The following CWF19L2 variants were observed in gnomAD, a reference collection of about 807,000 sequenced individuals.
The protein encoded by CWF19L2 is CWF19 like cell cycle control factor 2.
Under a neutral mutation model 111.7 loss-of-function variants are expected in CWF19L2, and 98 were observed. The ratio of observed to expected loss-of-function variants is 0.88; its 90% CI spans 0.75 to 1.04. The LOEUF is 1.04. Among genes scored for constraint, CWF19L2 ranks in the 50% least tolerant of loss-of-function variants. The probability of loss-of-function intolerance (pLI) is 0.00; values close to 1 mark genes in which losing one functional copy is unlikely to be tolerated. For missense variants in CWF19L2, 1,101 were observed against 1,051.4 expected (o/e 1.05, Z -0.65); for synonymous variants, 351 against 342.9 (o/e 1.02, Z -0.26).
intron 11 of CWF19L2, among the ~76,000 whole-genome samples, chr11:107,390,489 CCTT>C (rs1451455225): frequency 1.3e-5 from 2 of 152,156 alleles, no homozygotes; most frequent in Non-Finnish European, 2.9e-5. Context: ...CTGCTCTACC[CCTT>C]CTTCTCTCTT....
intron 12 of CWF19L2, among the ~76,000 whole-genome samples, chr11:107,379,491 A>G (rs1195710821): frequency 6.6e-6 from 1 of 152,246 alleles, no homozygotes; most frequent in Non-Finnish European, 1.5e-5. Flanking sequence ...TCTGATTCTG[A>G]TAACTGCACA....
intron 9 of CWF19L2, among the ~76,000 whole-genome samples, chr11:107,416,513 A>T (rs1217862452): frequency 6.6e-6 from 1 of 152,212 alleles, no homozygotes; most frequent in Non-Finnish European, 1.5e-5. Context: ...TGCTTCAAAG[A>T]TAAATAATTA....
At chr11:107,336,801 T>A in intron 14 of CWF19L2, 88 bp from the exon 15 acceptor site, 1 of 742,444 alleles carries the variant, frequency 1.3e-6, no homozygotes. Flanking sequence ...ATGAAAACTT[T>A]AATAAAAAAG....
intron 12 of CWF19L2, among the ~76,000 whole-genome samples, chr11:107,373,812 A>C (rs1388975225): frequency 7.5e-6 from 1 of 133,538 alleles, no homozygotes; most frequent in Non-Finnish European, 1.6e-5. Flanking sequence ...TCAGACGATC[A>C]AATTACTCCG....
intron 12 of CWF19L2, among the ~76,000 whole-genome samples, chr11:107,378,191 T>C (rs986327933): frequency 2.0e-5 from 3 of 149,868 alleles, no homozygotes; most frequent in Admixed American, 6.6e-5. Context: ...AGTTCAACCA[T>C]TGTGGAAGTC....
intron 6 of CWF19L2, among the ~76,000 whole-genome samples, chr11:107,435,849 AG>A (rs1388084365): frequency 6.6e-6 from 1 of 152,186 alleles, no homozygotes; most frequent in African/African-American, 2.4e-5. Flanking sequence ...TTCCTACAAT[AG>A]GAAGTACAAA....
At chr11:107,410,672 T>C (rs752157518) in intron 10 of CWF19L2, among the ~76,000 whole-genome samples, 4 of 152,158 alleles carry the variant, frequency 2.6e-5, no homozygotes, top group Non-Finnish European at 5.9e-5. Context: ...ATCAGAGTCA[T>C]GTGCACAAGG....
rs1275851786 is a variant in CWF19L2, at chr11:107,375,430, C to T, written c.1872+14644G>A. 7.2e-5 allele frequency among the ~76,000 whole-genome samples: 10 copies of T among 139,088 alleles called. 2 individuals are homozygous for T. The highest frequency in any genetic ancestry group is 2.5e-4 in the African/African-American group (9 of 35,846). 91.2% of individuals were successfully genotyped at this position (139,088 alleles called of 152,430 possible). On this transcript the variant is annotated intron_variant, in intron 12 of 17. Coordinates refer to ENST00000282251, the MANE Select transcript of CWF19L2 (RefSeq NM_152434.3). ...AATTATAACAAATTCTCTCTCAGAC[C>T]ACAGTGCAATCAAACTAGAACTCAG...
Position 107,434,393 on chromosome 11 carries a change from C to T in CWF19L2, c.665-644G>A, listed in dbSNP as rs144075321. ...TGGCTTTATTTTCTTCTTTACACAT[C>T]ACGCTTTGGATATGTGTAAAGAGGA... On this transcript the variant is annotated intron_variant, in intron 6 of 17. Coordinates refer to ENST00000282251, the MANE Select transcript of CWF19L2 (RefSeq NM_152434.3). Among the ~76,000 whole-genome samples, 500 of 152,136 alleles carry T rather than the reference C, an allele frequency of 3.3e-3. 3 individuals carry two copies. The highest frequency in any genetic ancestry group is 0.011 in the African/African-American group (460 of 41,520).
At chr11:107,372,694 A>T (rs1248135901) in intron 12 of CWF19L2, among the ~76,000 whole-genome samples, 3 of 136,254 alleles carry the variant, frequency 2.2e-5, no homozygotes, top group African/African-American at 8.9e-5. Context: ...AAAGAGGATA[A>T]GAAGGAATGC....
intron 6 of CWF19L2, among the ~76,000 whole-genome samples, chr11:107,434,204 A>C (rs1001961240): frequency 2.3e-4 from 35 of 152,072 alleles, no homozygotes; most frequent in Non-Finnish European, 2.4e-4. Flanking sequence ...ATAAAAGGAC[A>C]CACAGAGAAA....
At chr11:107,431,820 T>C (rs2135411912) in intron 7 of CWF19L2, among the ~76,000 whole-genome samples, 1 of 152,254 alleles carries the variant, frequency 6.6e-6, no homozygotes, top group Non-Finnish European at 1.5e-5. Flanking sequence ...TGAGAAAATT[T>C]AATGTATAAC....
intron 14 of CWF19L2, among the ~76,000 whole-genome samples, chr11:107,342,827 T>C (rs779746703): frequency 2.0e-5 from 3 of 152,130 alleles, no homozygotes; most frequent in Non-Finnish European, 4.4e-5. Context: ...AATTAAAAGT[T>C]TCCTTATAAG....
chr11:107,425,759 A>T (rs1303508145), intron 8 of CWF19L2, among the ~76,000 whole-genome samples: 1 of 151,946 alleles, frequency 6.6e-6, no homozygotes, highest in Non-Finnish European at 1.5e-5. Flanking sequence ...TCTGGGCTAC[A>T]GTAACAAACT....
chr11:107,358,535 G>A (rs1170133956), intron 12 of CWF19L2, among the ~76,000 whole-genome samples: 1 of 152,108 alleles, frequency 6.6e-6, no homozygotes, highest in Admixed American at 6.6e-5. Flanking sequence ...ATGAAGTACT[G>A]ATACTTGTTA....
intron 16 of CWF19L2, among the ~76,000 whole-genome samples, chr11:107,332,645 T>C (rs975417655): frequency 1.3e-5 from 2 of 152,140 alleles, no homozygotes; most frequent in Admixed American, 6.5e-5. Flanking sequence ...ATAAGGTTCT[T>C]TCAGAAGTAA....
At chr11:107,333,129 G>A (rs1318750736) in intron 16 of CWF19L2, among the ~76,000 whole-genome samples, 2 of 151,522 alleles carry the variant, frequency 1.3e-5, no homozygotes. Context: ...GAGGTCATCT[G>A]GCTCATCCTT....
At chr11:107,430,223 AC>A (rs1166267587) in intron 7 of CWF19L2, among the ~76,000 whole-genome samples, 1 of 151,788 alleles carries the variant, frequency 6.6e-6, no homozygotes, top group Non-Finnish European at 1.5e-5. Context: ...AAAAAAAAAA[AC>A]CTTTACAAGG....
chr11:107,452,994 C>T (rs1284725201), intron 3 of CWF19L2, among the ~76,000 whole-genome samples: 1 of 151,664 alleles, frequency 6.6e-6, no homozygotes, highest in East Asian at 1.9e-4. Context: ...AAACAAAAAA[C>T]AAAAAAATTT....
Sources: gnomAD v4.1 joint callset for allele counts (sites outside exome capture counted in the v4.1 genomes callset) on GRCh38, gnomAD v4.1.1 for gene constraint, MANE v1.5 for transcripts, NCBI Gene and HGNC (gene_info 2026-07-23, HGNC 2026-07-21) for gene names.